WDSUB1: variants seen among roughly 807,000 people sequenced by gnomAD.
WDSUB1 encodes WD repeat, sterile alpha motif and U-box domain containing 1.
A neutral mutation model predicts 53.9 loss-of-function variants in WDSUB1; 49 were observed. The observed-to-expected ratio is 0.91, with a 90% CI of 0.72 to 1.15. The LOEUF (loss-of-function observed/expected upper bound fraction) is 1.15, where lower values mean the gene tolerates loss of function less well. Among genes scored for constraint, WDSUB1 ranks in the 50% most tolerant of loss-of-function variants. The probability of loss-of-function intolerance (pLI) is 0.00; values close to 1 mark genes in which losing one functional copy is unlikely to be tolerated. For synonymous variants in WDSUB1, 194 were observed against 200.6 expected, an observed-to-expected ratio of 0.97 and a Z score of 0.28; for missense variants, 514 against 562.0, an observed-to-expected ratio of 0.91 and a Z score of 0.86.
At chr2:159,265,623 A>C (rs1575472447) in intron 5 of WDSUB1, among the ~76,000 whole-genome samples, 2 of 152,062 alleles carry the variant, frequency 1.3e-5, no homozygotes, top group East Asian at 3.9e-4. Flanking sequence ...TGGGAGGATC[A>C]CTTGAGGCCA....
At chr2:159,236,920 C>G (rs1161121448) in intron 10 of WDSUB1, among the ~76,000 whole-genome samples, 2 of 152,160 alleles carry the variant, frequency 1.3e-5, no homozygotes, top group Non-Finnish European at 2.9e-5. Flanking sequence ...CATGCCCGGC[C>G]ACCAAGGTTT....
At chr2:159,262,391 G>A (rs1198954313) in intron 5 of WDSUB1, among the ~76,000 whole-genome samples, 3 of 152,200 alleles carry the variant, frequency 2.0e-5, no homozygotes, top group South Asian at 2.1e-4. Context: ...GAATCTGGAC[G>A]ATTTCACAGG....
intron 5 of WDSUB1, among the ~76,000 whole-genome samples, chr2:159,261,892 A>T (rs1192161187): frequency 9.0e-4 from 12 of 13,268 alleles, no homozygotes; most frequent in Non-Finnish European, 1.2e-3. Flanking sequence ...ATATATATAT[A>T]TATATTTTTT....
intron 4 of WDSUB1, among the ~76,000 whole-genome samples, chr2:159,274,569 A>C (rs2061502629): frequency 6.6e-6 from 1 of 152,192 alleles, no homozygotes; most frequent in African/African-American, 2.4e-5. Context: ...ACAAAAGCCA[A>C]GCATTTATCC....
chr2:159,241,211 T>G (rs1171704002), intron 10 of WDSUB1, among the ~76,000 whole-genome samples: 1 of 152,200 alleles, frequency 6.6e-6, no homozygotes, highest in East Asian at 1.9e-4. Context: ...CACCTACCAG[T>G]GCAGGGCAGG....
chr2:159,282,197 AT>A (rs535503641), intron 2 of WDSUB1, among the ~76,000 whole-genome samples: 28 of 135,088 alleles, frequency 2.1e-4, no homozygotes, highest in South Asian at 2.3e-4. Context: ...GTTAAAAAAA[AT>A]TTTTTTTTTT....
chr2:159,251,051 C>T (rs532954435), intron 9 of WDSUB1, among the ~76,000 whole-genome samples: 2 of 151,666 alleles, frequency 1.3e-5, no homozygotes, highest in South Asian at 4.2e-4. Flanking sequence ...CTGCTTAAGA[C>T]CAGGAGTTTG....
intron 10 of WDSUB1, among the ~76,000 whole-genome samples, chr2:159,246,992 A>G (rs2060813282): frequency 6.6e-6 from 1 of 152,210 alleles, no homozygotes; most frequent in African/African-American, 2.4e-5. Context: ...AGCACACTGA[A>G]CATCAGAGTG....
chr2:159,259,315 G>A (rs1249292073), intron 6 of WDSUB1, among the ~76,000 whole-genome samples: 1 of 152,168 alleles, frequency 6.6e-6, no homozygotes, highest in Non-Finnish European at 1.5e-5. Flanking sequence ...GTGAGCCACT[G>A]CACCCGGCCA....
At chr2:159,260,525 T>C (rs904537102) in intron 5 of WDSUB1, among the ~76,000 whole-genome samples, 7 of 152,230 alleles carry the variant, frequency 4.6e-5, no homozygotes, top group African/African-American at 7.2e-5. Flanking sequence ...TTCTTTACCA[T>C]TGATAAGGCG....
At chr2:159,243,980 G>A (rs1456315052) in intron 10 of WDSUB1, among the ~76,000 whole-genome samples, 5 of 152,166 alleles carry the variant, frequency 3.3e-5, no homozygotes, top group South Asian at 4.1e-4. Context: ...AGAGAGACAC[G>A]TTATGATCCA....
intron 8 of WDSUB1, 78 bp from the exon 9 acceptor site, chr2:159,256,453 A>C: frequency 1.4e-6 from 2 of 1,449,112 alleles, no homozygotes; most frequent in South Asian, 2.5e-5. Context: ...AATTAAAAGT[A>C]AATGAAATTT....
chr2:159,249,763 T>C (rs1412602101), intron 9 of WDSUB1, among the ~76,000 whole-genome samples: 1 of 151,576 alleles, frequency 6.6e-6, no homozygotes, highest in Non-Finnish European at 1.5e-5. Flanking sequence ...ACCATGAAAC[T>C]TACTTAAGAG....
At chr2:159,280,623 G>A (rs1439139306) in intron 2 of WDSUB1, among the ~76,000 whole-genome samples, 7 of 139,108 alleles carry the variant, frequency 5.0e-5, no homozygotes, top group Admixed American at 1.5e-4. Context: ...CCCGGGAGGC[G>A]GAGCTTGCAG....
intron 9 of WDSUB1, among the ~76,000 whole-genome samples, chr2:159,255,499 TTAAA>T (rs139782797): frequency 0.082 from 12,493 of 151,520 alleles, 1,130 homozygotes; most frequent in African/African-American, 0.21. Flanking sequence ...TTAAATTAAA[TTAAA>T]TAAAGAAAAG....
intron 9 of WDSUB1, among the ~76,000 whole-genome samples, chr2:159,251,586 A>C (rs16843823): frequency 0.051 from 7,750 of 152,236 alleles, 365 homozygotes; most frequent in African/African-American, 0.11. Context: ...AGTCTTATAC[A>C]CTTAATTGCT....
At position 159,275,643 on chromosome 2, in the gene WDSUB1, A is replaced by C; in HGVS notation, c.584-5T>G. ...ACTGAAGACCTTGTTCTCCATCTAA[A>C]ATTTATTAAAAATAAATACAGAGAA... On this transcript the variant is annotated splice_region_variant and splice_polypyrimidine_tract_variant and intron_variant, in intron 3 of 10. Coordinates refer to ENST00000359774, the MANE Select transcript of WDSUB1 (RefSeq NM_001128212.3). The C allele has an allele frequency of 6.3e-7, 1 of 1,587,608 alleles. No homozygotes were observed. The highest frequency in any genetic ancestry group is 1.2e-5 in the South Asian group (1 of 85,236).
At chr2:159,280,477 G>C (rs2061633589) in intron 2 of WDSUB1, among the ~76,000 whole-genome samples, 1 of 151,510 alleles carries the variant, frequency 6.6e-6, no homozygotes, top group African/African-American at 2.4e-5. Flanking sequence ...GGATCACGAG[G>C]TCAGGAGATC....
chr2:159,243,925 A>C (rs988750507), intron 10 of WDSUB1, among the ~76,000 whole-genome samples: 3 of 152,252 alleles, frequency 2.0e-5, no homozygotes, highest in African/African-American at 7.2e-5. Context: ...TTTGTGCAAC[A>C]ATATAAATGA....
Sources: gnomAD v4.1 joint callset for allele counts (sites outside exome capture counted in the v4.1 genomes callset) on GRCh38, gnomAD v4.1.1 for gene constraint, MANE v1.5 for transcripts, NCBI Gene and HGNC (gene_info 2026-07-23, HGNC 2026-07-21) for gene names.